The following PXMP4 variants were observed in gnomAD, a reference collection of about 807,000 sequenced individuals.
PXMP4 encodes the protein peroxisomal membrane protein 4, also known as 24 kDa peroxisomal intrinsic membrane protein.
In PXMP4, 16 loss-of-function variants were observed where a neutral mutation model predicts 21.6. The observed-to-expected ratio is 0.74, with a 90% confidence interval of 0.50 to 1.13. The LOEUF is 1.13. Among genes scored for constraint, PXMP4 ranks in the 50% most tolerant of loss-of-function variants. PXMP4 has a pLI of 0.00. For missense variants in PXMP4, 240 were observed against 277.7 expected (o/e 0.86, Z 0.96); for synonymous variants, 127 against 123.8 (o/e 1.03, Z -0.17).
intron 2 of PXMP4, among the ~76,000 whole-genome samples, chr20:33,711,465 G>T (rs1849844825): frequency 6.6e-6 from 1 of 152,140 alleles, no homozygotes. Context: ...CAGAGAACCA[G>T]AGAGTTTGTG....
rs774457175 is a variant in PXMP4 at position 33,714,672 on chromosome 20, A to T, written c.176+2T>A. 14 of 1,613,782 alleles carry T rather than the reference A, an allele frequency of 8.7e-6. No individual in the cohort carries two copies. Among genetic ancestry groups the T allele is most frequent in the Non-Finnish European group, 7.6e-6 (9 of 1,179,766 alleles). The stretch of plus-strand genomic sequence containing the variant: ...TTCTCTCCCAGTTTGAGGGATGTGT[A>T]CCTGCCATTCCGGAAGAGAAAGGTC... On this transcript the variant is annotated splice_donor_variant, in intron 2 of 3. Coordinates refer to ENST00000409299, the MANE Select transcript of PXMP4 (RefSeq NM_007238.5). LOFTEE classifies it high-confidence loss of function.
At chr20:33,718,890 T>G (rs2018415293) in intron 1 of PXMP4, among the ~76,000 whole-genome samples, 1 of 152,204 alleles carries the variant, frequency 6.6e-6, no homozygotes, top group Admixed American at 6.5e-5. Context: ...TATGGCCTCA[T>G]GAAACTTTCT....
intron 3 of PXMP4, among the ~76,000 whole-genome samples, chr20:33,710,097 C>T (rs190462168): frequency 1.1e-4 from 16 of 147,178 alleles, no homozygotes; most frequent in Admixed American, 1.0e-3. Flanking sequence ...ACCCCTTCCC[C>T]GACTCCCACC....
Position 33,720,289 on chromosome 20 carries a change from C to T in PXMP4, c.-82G>A. The stretch of plus-strand genomic sequence containing the variant: ...GGTTCCAGCTGCGCGCCCACAGCCC[C>T]TCGGTAGCGCCGCCGACTCGTGGCG... On this transcript the variant is annotated 5_prime_UTR_variant, in exon 1 of 4. Coordinates refer to ENST00000409299, the MANE Select transcript of PXMP4 (RefSeq NM_007238.5). 1 of 1,247,634 alleles carries T rather than the reference C, an allele frequency of 8.0e-7. No individual in the cohort carries two copies. Among genetic ancestry groups the T allele is most frequent in the Non-Finnish European group, 1.1e-6 (1 of 887,248 alleles). The allele number at this position is 1,247,634 out of a possible 1,614,324, so 77.3% of individuals were successfully genotyped here.
chr20:33,718,673 T>G (rs1443600327), intron 1 of PXMP4, among the ~76,000 whole-genome samples: 1 of 152,080 alleles, frequency 6.6e-6, no homozygotes, highest in Non-Finnish European at 1.5e-5. Flanking sequence ...GTGCCAGGCA[T>G]CCTTGGGTTT....
chr20:33,709,349 T>C (rs1225570492), intron 3 of PXMP4, among the ~76,000 whole-genome samples: 1 of 152,170 alleles, frequency 6.6e-6, no homozygotes, highest in African/African-American at 2.4e-5. Context: ...CTCTTATTCA[T>C]CATCATTTCA....
chr20:33,711,670 G>C (rs966128210), intron 2 of PXMP4, among the ~76,000 whole-genome samples: 1 of 151,884 alleles, frequency 6.6e-6, no homozygotes, highest in Non-Finnish European at 1.5e-5. Context: ...CAGCCTGGAC[G>C]ACAGAGACTC....
chr20:33,719,914 G>C (rs1411979531), intron 1 of PXMP4, among the ~76,000 whole-genome samples, 181 bp downstream of exon 1: 1 of 152,246 alleles, frequency 6.6e-6, no homozygotes, highest in Non-Finnish European at 1.5e-5. Flanking sequence ...CCAGTTCAGA[G>C]CTGGGAAGGC....
At position 33,711,182 on chromosome 20, in the gene PXMP4, C is replaced by T. The variant is rs563816887; in HGVS notation, c.177-429G>A. Among the ~76,000 whole-genome samples, 13 of 152,246 alleles carry T rather than the reference C, an allele frequency of 8.5e-5. No individual in the cohort carries two copies. In the South Asian group the frequency reaches 2.1e-3, roughly 24 times the overall value. Reference sequence around the variant, plus strand: ...AAACATGTGAAGGAGTGAGTGTCTGCCATGTGCTGGATGTGGGGGTACGAT... The same window carrying T: ...AAACATGTGAAGGAGTGAGTGTCTGTCATGTGCTGGATGTGGGGGTACGAT... On this transcript the variant is annotated intron_variant, in intron 2 of 3. Transcript: ENST00000409299.
At chr20:33,708,034 A>G in intron 3 of PXMP4, 65 bp from the exon 4 acceptor site, 1 of 1,512,788 alleles carries the variant, frequency 6.6e-7, no homozygotes. Flanking sequence ...TGTTTTTGAT[A>G]TTAATAATTT....
intron 2 of PXMP4, 92 bp downstream of exon 2, chr20:33,714,582 G>A (rs774799883): frequency 3.2e-6 from 4 of 1,251,688 alleles, no homozygotes; most frequent in Non-Finnish European, 3.5e-6. Flanking sequence ...AAGGCGTGAT[G>A]GGGGGACAGG....
chr20:33,710,522 C>T lies in PXMP4; in HGVS notation c.375+33G>A, dbSNP rs781112004. On this transcript the variant is annotated intron_variant, in intron 3 of 3. Transcript: ENST00000409299. ...CCCACCTCTGTGCTGAACCACGCCC[C>T]CTTCACTACCCCCATCTCGGGAGGA... The T allele has an allele frequency of 2.0e-6, 3 of 1,481,488 alleles. No homozygotes were observed. The Admixed American group carries it at 5.4e-5, about 27-fold the overall frequency. The allele number at this position is 1,481,488 out of a possible 1,614,324, so 91.8% of individuals were successfully genotyped here.
chr20:33,709,801 C>G (rs1341506078), intron 3 of PXMP4, among the ~76,000 whole-genome samples: 3 of 136,094 alleles, frequency 2.2e-5, no homozygotes, highest in East Asian at 2.2e-4. Flanking sequence ...CTGAACCACG[C>G]CCCTTCACCC....
rs2018230242 is a variant in PXMP4 at position 33,703,840 on chromosome 20, G to A, written c.*3866C>T. ...AGAGGCTGGCAAAGGAGGCACCAGT[G>A]ACAAGCTAGAGTCCTCAGGCAGAAA... On this transcript the variant is annotated 3_prime_UTR_variant, in exon 4 of 4. Transcript: ENST00000409299. 6.6e-6 allele frequency: 1 copy of A among 152,354 alleles called. No homozygotes were observed. The highest frequency in any genetic ancestry group is 2.4e-5 in the African/African-American group (1 of 41,450). The allele number at this position is 152,354 out of a possible 1,614,324, so 9.4% of individuals were successfully genotyped here.
chr20:33,706,522 T>C lies in PXMP4; in HGVS notation c.*1184A>G, dbSNP rs1168704707. Reference sequence around the variant, plus strand: ...GTAATTAGTAGCACATCAGTGGTAGTTGCACAAGTCCAGTGAGGACCACGG... The same window carrying C: ...GTAATTAGTAGCACATCAGTGGTAGCTGCACAAGTCCAGTGAGGACCACGG... On this transcript the variant is annotated 3_prime_UTR_variant, in exon 4 of 4. Transcript: ENST00000409299. 2 of 152,172 alleles carry C rather than the reference T, an allele frequency of 1.3e-5. No individual in the cohort carries two copies. Among genetic ancestry groups the C allele is most frequent in the Non-Finnish European group, 2.9e-5 (2 of 68,030 alleles). The allele number at this position is 152,172 out of a possible 1,614,324, so 9.4% of individuals were successfully genotyped here.
At chr20:33,718,118 T>C (rs2018403159) in intron 1 of PXMP4, among the ~76,000 whole-genome samples, 7 of 152,064 alleles carry the variant, frequency 4.6e-5, no homozygotes. Context: ...CCTGACAGCC[T>C]CCTTGAGACA....
chr20:33,714,814 G>A, intron 1 of PXMP4, 78 bp from the exon 2 acceptor site: 4 of 1,406,410 alleles, frequency 2.8e-6, no homozygotes, highest in Non-Finnish European at 4.0e-6. Flanking sequence ...TTGACCCCTT[G>A]TTCTCTCCCC....
At chr20:33,717,819 ATAG>A (rs2018400177) in intron 1 of PXMP4, among the ~76,000 whole-genome samples, 1 of 152,008 alleles carries the variant, frequency 6.6e-6, no homozygotes, top group African/African-American at 2.4e-5. Flanking sequence ...ACTCAGATGA[ATAG>A]TAGAAAGACA....
rs2018265983 is a variant in PXMP4, at chr20:33,707,194, G to A, written c.*512C>T. 6.6e-6 allele frequency: 1 copy of A among 152,456 alleles called. No individual in the cohort carries two copies. 9.4% of individuals were successfully genotyped at this position (152,456 alleles called of 1,614,324 possible). On this transcript the variant is annotated 3_prime_UTR_variant, in exon 4 of 4. Coordinates refer to ENST00000409299, the MANE Select transcript of PXMP4 (RefSeq NM_007238.5). ...AGTGCCCAGGCTTCTTTTTTGTAAT[G>A]CAGCTACTAGAAACATTTTAATTAC...
Sources: allele counts gnomAD v4.1 joint callset (sites outside exome capture counted in the v4.1 genomes callset), GRCh38; gene constraint gnomAD v4.1.1; transcripts MANE v1.5; gene names NCBI Gene and HGNC (gene_info 2026-07-23, HGNC 2026-07-21).